The following DLG2 variants were observed in gnomAD, a reference collection of about 807,000 sequenced individuals.
DLG2 encodes disks large homolog 2.
Under a neutral mutation model 132.5 loss-of-function variants are expected in DLG2, and 45 were observed. The observed-to-expected ratio is 0.34, with a 90% confidence interval of 0.27 to 0.44. DLG2 has a LOEUF of 0.44. DLG2 is among the 20% of genes least tolerant of loss of function. The probability of loss-of-function intolerance (pLI) is 1.00; values close to 1 mark genes in which losing one functional copy is unlikely to be tolerated. For missense variants in DLG2, 1,045 were observed against 1,196.9 expected (o/e 0.87, Z 1.87); for synonymous variants, 424 against 419.6 (o/e 1.01, Z -0.13).
At chr11:85,428,940 G>A (rs1259819453) in intron 3 of DLG2, among the ~76,000 whole-genome samples, 3 of 151,976 alleles carry the variant, frequency 2.0e-5, no homozygotes, top group Admixed American at 6.6e-5. Flanking sequence ...AAATGATAAA[G>A]GGGATATCAC....
chr11:84,862,450 C>T (rs916645838), intron 6 of DLG2, among the ~76,000 whole-genome samples: 4 of 152,022 alleles, frequency 2.6e-5, no homozygotes, highest in Non-Finnish European at 4.4e-5. Flanking sequence ...TACCATTTGA[C>T]CCAGCAATCC....
rs71066054 is a variant in DLG2, at chr11:83,601,510, CTTTTTTT to C, written c.1940+31694_1940+31700del. 1.9e-3 allele frequency among the ~76,000 whole-genome samples: 183 copies of C among 94,560 alleles called. 3 individuals carry two copies. Among genetic ancestry groups the C allele is most frequent in the South Asian group, 0.01 (24 of 2,368 alleles). 62.0% of individuals were successfully genotyped at this position (94,560 alleles called of 152,430 possible). A position where few individuals can be genotyped will look rare whatever the true frequency, so the allele number is the denominator to read the frequency against. On this transcript the variant is annotated intron_variant, in intron 19 of 27. Coordinates refer to ENST00000376104, the MANE Select transcript of DLG2 (RefSeq NM_001142699.3). Reference sequence around the variant, plus strand: ...CAGCTGCAAAGTAATATGTGATGTTCTTTTTTTTTTTTTTTTTTTTTGACAAGGTCTC... The same window carrying C: ...CAGCTGCAAAGTAATATGTGATGTTCTTTTTTTTTTTTTTGACAAGGTCTC...
intron 7 of DLG2, among the ~76,000 whole-genome samples, chr11:84,523,880 C>T (rs898600919): frequency 1.4e-4 from 22 of 152,178 alleles, no homozygotes; most frequent in African/African-American, 5.3e-4. Flanking sequence ...ATTTTAATAA[C>T]CTAATATTTC....
At chr11:84,692,465 C>T (rs2058157712) in intron 6 of DLG2, among the ~76,000 whole-genome samples, 2 of 151,628 alleles carry the variant, frequency 1.3e-5, no homozygotes, top group African/African-American at 2.4e-5. Flanking sequence ...AAAACAAATA[C>T]ATCTGATTTG....
At chr11:83,964,796 G>A (rs1383627176) in intron 13 of DLG2, among the ~76,000 whole-genome samples, 1 of 151,938 alleles carries the variant, frequency 6.6e-6, no homozygotes, top group Non-Finnish European at 1.5e-5. Flanking sequence ...TTGCCATAGT[G>A]ACTGATAATT....
chr11:84,676,690 G>A (rs987061961), intron 6 of DLG2, among the ~76,000 whole-genome samples: 2 of 151,994 alleles, frequency 1.3e-5, no homozygotes, highest in African/African-American at 4.8e-5. Flanking sequence ...GGCAAATACA[G>A]GCATAAACAA....
chr11:84,749,304 A>G (rs764946787), intron 6 of DLG2, among the ~76,000 whole-genome samples: 6 of 152,172 alleles, frequency 3.9e-5, no homozygotes, highest in Non-Finnish European at 7.4e-5. Context: ...AAATCAAGGA[A>G]CAGACCTGAT....
At chr11:83,725,987 T>C (rs900178661) in intron 18 of DLG2, among the ~76,000 whole-genome samples, 13 of 152,252 alleles carry the variant, frequency 8.5e-5, no homozygotes, top group Middle Eastern at 3.4e-3. Context: ...TTATTTCACT[T>C]TATAACACTT....
At chr11:84,893,541 T>C (rs1307258376) in intron 6 of DLG2, among the ~76,000 whole-genome samples, 1 of 152,138 alleles carries the variant, frequency 6.6e-6, no homozygotes, top group East Asian at 1.9e-4. Context: ...GCTACCTCCT[T>C]ATGGCTAGGA....
chr11:85,026,634 G>A (rs1312991574), intron 6 of DLG2, among the ~76,000 whole-genome samples: 5 of 152,044 alleles, frequency 3.3e-5, no homozygotes, highest in East Asian at 1.9e-4. Flanking sequence ...TCAGGAGATC[G>A]AGACCATCCT....
chr11:84,316,996 G>A, intron 7 of DLG2: 1 of 1,612,820 alleles, frequency 6.2e-7, no homozygotes, highest in South Asian at 1.1e-5. Flanking sequence ...AGGAGGGCAT[G>A]GTCTGAGAAC....
At chr11:84,614,476 T>C (rs2099600661) in intron 6 of DLG2, among the ~76,000 whole-genome samples, 1 of 152,156 alleles carries the variant, frequency 6.6e-6, no homozygotes, top group Admixed American at 6.5e-5. Context: ...GCAAATATTA[T>C]AGTGTCTGAA....
chr11:84,540,628 T>C (rs2099366329), intron 6 of DLG2, among the ~76,000 whole-genome samples: 1 of 152,194 alleles, frequency 6.6e-6, no homozygotes, highest in Non-Finnish European at 1.5e-5. Context: ...TGGAAGTCAG[T>C]GTGGCGATTC....
At chr11:84,937,123 G>C (rs2048845371) in intron 6 of DLG2, among the ~76,000 whole-genome samples, 1 of 152,190 alleles carries the variant, frequency 6.6e-6, no homozygotes, top group African/African-American at 2.4e-5. Context: ...TTGCACTCCA[G>C]TCTGGGCAAC....
chr11:83,734,368 CTT>C (rs2091547031), intron 18 of DLG2, among the ~76,000 whole-genome samples: 1 of 140,750 alleles, frequency 7.1e-6, no homozygotes, highest in Non-Finnish European at 1.5e-5. Flanking sequence ...TCCTTCCTTC[CTT>C]CCTTCCTTCC....
intron 9 of DLG2, among the ~76,000 whole-genome samples, chr11:84,112,664 C>T (rs2093426064): frequency 6.6e-6 from 1 of 152,066 alleles, no homozygotes; most frequent in South Asian, 2.1e-4. Context: ...AATAACTTCC[C>T]TTTAAAATGG....
At chr11:83,834,894 C>G (rs1428662357) in intron 16 of DLG2, among the ~76,000 whole-genome samples, 1 of 152,146 alleles carries the variant, frequency 6.6e-6, no homozygotes, top group African/African-American at 2.4e-5. Context: ...CCCTCCTCTC[C>G]CAAACATCTC....
At chr11:85,483,070 T>A (rs1461375418) in intron 3 of DLG2, among the ~76,000 whole-genome samples, 1 of 152,100 alleles carries the variant, frequency 6.6e-6, no homozygotes, top group Non-Finnish European at 1.5e-5. Flanking sequence ...AAGATATAAA[T>A]ATCCAAGTAG....
At chr11:84,813,065 G>A (rs1247640142) in intron 6 of DLG2, among the ~76,000 whole-genome samples, 1 of 151,954 alleles carries the variant, frequency 6.6e-6, no homozygotes, top group East Asian at 1.9e-4. Flanking sequence ...TCCTTAAAAA[G>A]GCTTCTAGAT....
Sources: allele counts gnomAD v4.1 joint callset (sites outside exome capture counted in the v4.1 genomes callset), GRCh38; gene constraint gnomAD v4.1.1; transcripts MANE v1.5; gene names NCBI Gene and HGNC (gene_info 2026-07-23, HGNC 2026-07-21).